The following SLIT3 variants were observed in gnomAD, a reference collection of about 807,000 sequenced individuals.
SLIT3 encodes slit guidance ligand 3.
Under a neutral mutation model 184.0 loss-of-function variants are expected in SLIT3, and 68 were observed. That is an observed-to-expected ratio of 0.37 (90% confidence interval 0.30 to 0.45). The LOEUF is 0.45. SLIT3 is among the 20% of genes least tolerant of loss of function. The pLI is 1.00. For missense variants in SLIT3, 1,707 were observed against 2,026.0 expected (o/e 0.84, Z 3.02); for synonymous variants, 831 against 828.6 (o/e 1.00, Z -0.05).
chr5:169,208,565 T>C (rs905210952), intron 3 of SLIT3, among the ~76,000 whole-genome samples: 17 of 152,114 alleles, frequency 1.1e-4, no homozygotes, highest in Non-Finnish European at 5.9e-5. Context: ...CAAAACAGCA[T>C]GGTACTGGTA....
intron 4 of SLIT3, among the ~76,000 whole-genome samples, chr5:169,145,002 G>A (rs1323999777): frequency 5.3e-5 from 8 of 152,080 alleles, no homozygotes; most frequent in South Asian, 2.1e-4. Context: ...TATAATTACC[G>A]CCGTTTTAAA....
intron 16 of SLIT3, among the ~76,000 whole-genome samples, chr5:168,755,715 C>T (rs1019740835): frequency 6.6e-6 from 1 of 152,168 alleles, no homozygotes; most frequent in Non-Finnish European, 1.5e-5. Context: ...GGATTACAGG[C>T]ATGAGCCGCC....
intron 4 of SLIT3, chr5:169,120,268 A>G (rs893432473): frequency 1.3e-5 from 2 of 152,174 alleles, no homozygotes; most frequent in African/African-American, 4.8e-5. Context: ...TATCTTCCTC[A>G]TAATAGTTGC....
Position 169,257,395 on chromosome 5 carries a change from C to G in SLIT3, c.198-5936G>C, listed in dbSNP as rs529190863. 6.0e-5 allele frequency among the ~76,000 whole-genome samples: 9 copies of G among 150,102 alleles called. No individual in the cohort carries two copies. The South Asian group carries it at 1.9e-3, about 32-fold the overall frequency. On this transcript the variant is annotated intron_variant, in intron 1 of 35. Coordinates refer to ENST00000519560, the MANE Select transcript of SLIT3 (RefSeq NM_003062.4). Reference sequence around the variant, plus strand: ...CCCCAACCTCCCCGCCCCCACCCCGCCCCACAACCATTTACACACATTAAA... The same window carrying G: ...CCCCAACCTCCCCGCCCCCACCCCGGCCCACAACCATTTACACACATTAAA...
intron 16 of SLIT3, among the ~76,000 whole-genome samples, chr5:168,754,627 G>C (rs2337551): frequency 0.088 from 13,421 of 152,160 alleles, 641 homozygotes; most frequent in Non-Finnish European, 0.11. Context: ...GAAAAGATTT[G>C]AAATACCTCC....
chr5:169,279,837 A>C (rs1389888633), intron 1 of SLIT3, among the ~76,000 whole-genome samples: 1 of 152,224 alleles, frequency 6.6e-6, no homozygotes, highest in Non-Finnish European at 1.5e-5. Flanking sequence ...CCTCATCTAT[A>C]AAATGAACTC....
intron 5 of SLIT3, among the ~76,000 whole-genome samples, chr5:168,869,475 A>T (rs897942372): frequency 2.2e-4 from 34 of 152,252 alleles, no homozygotes; most frequent in African/African-American, 7.7e-4. Flanking sequence ...ATATGCAGTC[A>T]GGGTTTGACA....
rs1465597149 is a variant in SLIT3, at chr5:169,290,830, T to C, written c.197+9683A>G. 2.0e-5 allele frequency among the ~76,000 whole-genome samples: 3 copies of C among 151,724 alleles called. No individual in the cohort carries two copies. In the East Asian group the frequency reaches 5.8e-4, roughly 29 times the overall value. On this transcript the variant is annotated intron_variant, in intron 1 of 35. Transcript: ENST00000519560. ...CTGGGGCACATGCTATGGCACCCACTAGGGCACACGCTAGGGCACATGCTA... is the reference window on the plus strand; with the variant it reads ...CTGGGGCACATGCTATGGCACCCACCAGGGCACACGCTAGGGCACATGCTA...
intron 4 of SLIT3, among the ~76,000 whole-genome samples, chr5:168,886,153 T>A (rs1006098824): frequency 2.0e-5 from 3 of 152,228 alleles, no homozygotes; most frequent in Non-Finnish European, 4.4e-5. Context: ...AATCTGCTTG[T>A]AAATTTTATT....
chr5:169,287,191 A>T (rs537236319), intron 1 of SLIT3, among the ~76,000 whole-genome samples: 1 of 152,266 alleles, frequency 6.6e-6, no homozygotes, highest in South Asian at 2.1e-4. Context: ...TGGCCTTCCC[A>T]TTTTTGGATT....
chr5:169,128,900 A>G (rs1761182118), intron 4 of SLIT3, among the ~76,000 whole-genome samples: 1 of 152,126 alleles, frequency 6.6e-6, no homozygotes, highest in Non-Finnish European at 1.5e-5. Flanking sequence ...GCTTGTCACT[A>G]AAAGGCGGCT....
intron 4 of SLIT3, among the ~76,000 whole-genome samples, chr5:168,942,294 A>G (rs1308707285): frequency 6.6e-6 from 1 of 152,242 alleles, no homozygotes; most frequent in Non-Finnish European, 1.5e-5. Context: ...TTATTGAGCC[A>G]CTAGATCCAG....
intron 23 of SLIT3, among the ~76,000 whole-genome samples, chr5:168,714,732 T>C (rs1472901122): frequency 6.6e-6 from 1 of 152,186 alleles, no homozygotes; most frequent in East Asian, 1.9e-4. Context: ...TAAAGGATGC[T>C]AGAGAAGTGG....
At chr5:168,952,147 A>G (rs993660994) in intron 4 of SLIT3, among the ~76,000 whole-genome samples, 1 of 152,236 alleles carries the variant, frequency 6.6e-6, no homozygotes, top group Non-Finnish European at 1.5e-5. Flanking sequence ...GAAGCCATGC[A>G]TCATGGGGCC....
rs572600251 is a variant in SLIT3 at position 169,016,676 on chromosome 5, G to A, written c.414-133340C>T. ...CACAATAACATACAGATCAACGACA[G>A]CACAGTGTTAAAGGCATGTTAATAC... is the stretch of plus-strand genomic sequence containing the variant. On this transcript the variant is annotated intron_variant, in intron 4 of 35. Transcript: ENST00000519560. Among the ~76,000 whole-genome samples the A allele has an allele frequency of 3.3e-5, 5 of 152,260 alleles. No individual in the cohort carries two copies. In the East Asian group the frequency reaches 9.6e-4, roughly 29 times the overall value.
rs750011530 is a variant in SLIT3, at chr5:168,785,978, C to A, written c.1080G>T (p.Leu360=). The A allele has an allele frequency of 6.2e-7, 1 of 1,608,032 alleles. No individual in the cohort carries two copies. The highest frequency in any genetic ancestry group is 8.5e-7 in the Non-Finnish European group (1 of 1,174,790). Residue 360 remains leucine (L), a splice_region_variant and synonymous_variant, in exon 12 of 36, where the codon CTG becomes CTT. Coordinates refer to ENST00000519560, the MANE Select transcript of SLIT3 (RefSeq NM_003062.4). ...AFQGLKSLTS[L]VLYGNKITEI... ...CGGTGATCTTGTTCCCATACAGGAC[C>A]CTGAAAGAGAGAAGGAGAAGACAGC...
chr5:168,930,427 A>T (rs1761950369), intron 4 of SLIT3, among the ~76,000 whole-genome samples: 1 of 152,184 alleles, frequency 6.6e-6, no homozygotes, highest in East Asian at 1.9e-4. Flanking sequence ...CTCTGAAGTC[A>T]GGCAATCTGG....
chr5:168,832,139 C>T (rs947316908), intron 6 of SLIT3, among the ~76,000 whole-genome samples: 16 of 152,308 alleles, frequency 1.1e-4, no homozygotes, highest in Admixed American at 8.5e-4. Context: ...AATGAGATGG[C>T]CTTGGTCTCC....
intron 4 of SLIT3, among the ~76,000 whole-genome samples, chr5:168,897,646 G>GCGCGCGCACACACACA: frequency 6.6e-5 from 7 of 105,446 alleles, no homozygotes; most frequent in African/African-American, 2.9e-4. Context: ...ACAGGTGCAC[G>GCGCGCGCACACACACA]TACACACACA....
Sources: allele counts gnomAD v4.1 joint callset (sites outside exome capture counted in the v4.1 genomes callset), GRCh38; gene constraint gnomAD v4.1.1; transcripts MANE v1.5; gene names NCBI Gene and HGNC (gene_info 2026-07-23, HGNC 2026-07-21).